AOPEP: variants seen among roughly 807,000 people sequenced by gnomAD.
AOPEP encodes aminopeptidase O.
In AOPEP, 77 loss-of-function variants were observed where a neutral mutation model predicts 98.1. That is an observed-to-expected ratio of 0.78 (90% CI 0.65 to 0.95). The LOEUF is 0.95. AOPEP is among the 40% of genes least tolerant of loss of function. The probability of loss-of-function intolerance (pLI) is 0.00; values close to 1 mark genes in which losing one functional copy is unlikely to be tolerated. For missense variants in AOPEP, 1,024 were observed against 1,024.7 expected (o/e 1.00, Z 0.01); for synonymous variants, 346 against 365.3 (o/e 0.95, Z 0.60).
At chr9:94,842,640 C>G (rs2042410909) in intron 5 of AOPEP, among the ~76,000 whole-genome samples, 1 of 152,034 alleles carries the variant, frequency 6.6e-6, no homozygotes, top group Non-Finnish European at 1.5e-5. Context: ...GTTCTTTCTT[C>G]ATTTCTGATG....
chr9:94,800,915 CAGCACATTCTGTTCTGGG>C lies in AOPEP; in HGVS notation c.1284_1301del (p.Ser429_His434del). The C allele has an allele frequency of 6.2e-7, 1 of 1,614,188 alleles. No homozygotes were observed. Among genetic ancestry groups the C allele is most frequent in the Non-Finnish European group, 8.5e-7 (1 of 1,180,038 alleles). ...CGGCTGATCCCTCCTTGCCTCTCAGCAGCACATTCTGTTCTGGGAGCACACCCGTTCTCTCGGCTGGAT... is the reference window on the plus strand; with the variant it reads ...CGGCTGATCCCTCCTTGCCTCTCAGCAGCACACCCGTTCTCTCGGCTGGAT... On this transcript the variant is annotated inframe_deletion, in exon 5 of 17. Coordinates refer to ENST00000375315, the MANE Select transcript of AOPEP (RefSeq NM_001193329.3).
At chr9:95,055,733 C>T (rs2066760237) in intron 13 of AOPEP, among the ~76,000 whole-genome samples, 1 of 152,174 alleles carries the variant, frequency 6.6e-6, no homozygotes. Context: ...TCAGTGGGAT[C>T]ACCTTTTTAA....
At chr9:94,818,128 C>T (rs555194381) in intron 5 of AOPEP, among the ~76,000 whole-genome samples, 5 of 152,288 alleles carry the variant, frequency 3.3e-5, no homozygotes, top group African/African-American at 9.6e-5. Flanking sequence ...CCAGCTCTGC[C>T]GTTGACTGCT....
chr9:94,889,917 T>C (rs2048679298), intron 5 of AOPEP, among the ~76,000 whole-genome samples: 1 of 152,244 alleles, frequency 6.6e-6, no homozygotes, highest in African/African-American at 2.4e-5. Flanking sequence ...TTCACATTTC[T>C]ATAATGGCTA....
chr9:94,729,004 G>A (rs1002506713), intron 1 of AOPEP, among the ~76,000 whole-genome samples: 8 of 152,176 alleles, frequency 5.3e-5, no homozygotes, highest in Non-Finnish European at 1.0e-4. Context: ...GGGTTTGATG[G>A]GGAGACTAGA....
the AOPEP span, chr9:95,135,686 A>C: frequency 1.7e-6 from 1 of 605,650 alleles, no homozygotes; most frequent in Non-Finnish European, 2.9e-6. Context: ...AATAATGTGA[A>C]TATGCTTCCA....
chr9:94,987,978 A>G (rs1325466686), intron 11 of AOPEP, among the ~76,000 whole-genome samples: 1 of 152,136 alleles, frequency 6.6e-6, no homozygotes, highest in Non-Finnish European at 1.5e-5. Flanking sequence ...TTGCCTGGAA[A>G]GACAGCTCCC....
intron 9 of AOPEP, among the ~76,000 whole-genome samples, chr9:94,957,008 G>C (rs1018172262): frequency 6.6e-6 from 1 of 152,076 alleles, no homozygotes; most frequent in Non-Finnish European, 1.5e-5. Flanking sequence ...TTCGAAAACT[G>C]GTTCAGAAGT....
chr9:94,771,275 A>G (rs1175283932), intron 2 of AOPEP, among the ~76,000 whole-genome samples: 1 of 152,138 alleles, frequency 6.6e-6, no homozygotes. Flanking sequence ...TGCTTATTGA[A>G]CAGAACAGAC....
At chr9:95,093,894 A>G in the AOPEP span, among the ~76,000 whole-genome samples, 176 of 152,300 alleles carry the variant, frequency 1.2e-3, no homozygotes, top group Non-Finnish European at 2.1e-3. Flanking sequence ...TGGGCACATT[A>G]TTCGGCCTCT....
the AOPEP span, among the ~76,000 whole-genome samples, chr9:95,128,951 C>A: frequency 2.0e-5 from 3 of 151,610 alleles, no homozygotes; most frequent in Admixed American, 6.6e-5. Context: ...TGTTGCCAGG[C>A]TGGAGTGCAG....
chr9:95,089,640 C>T (rs1022224781), downstream of AOPEP, among the ~76,000 whole-genome samples: 7 of 152,312 alleles, frequency 4.6e-5, no homozygotes, highest in Admixed American at 1.3e-4. Flanking sequence ...CTTGAGAGGC[C>T]CCCCTGGGCC....
downstream of AOPEP, among the ~76,000 whole-genome samples, chr9:95,092,056 C>CTG (rs112458654): frequency 0.013 from 1,954 of 149,302 alleles, 25 homozygotes; most frequent in African/African-American, 0.031. Flanking sequence ...CTGTTGAAGG[C>CTG]TGTGTGTGTG....
At chr9:94,771,667 C>T (rs901204308) in intron 2 of AOPEP, among the ~76,000 whole-genome samples, 3 of 152,038 alleles carry the variant, frequency 2.0e-5, no homozygotes. Flanking sequence ...ACTTCTGTAA[C>T]GTATTTCTCC....
chr9:95,109,019 T>G, the AOPEP span, among the ~76,000 whole-genome samples: 3 of 152,130 alleles, frequency 2.0e-5, no homozygotes, highest in South Asian at 6.2e-4. Flanking sequence ...GATCCTTCCA[T>G]CTATCTCAGC....
intron 11 of AOPEP, among the ~76,000 whole-genome samples, chr9:94,988,795 A>T (rs1156968535): frequency 1.3e-5 from 2 of 152,222 alleles, no homozygotes; most frequent in African/African-American, 4.8e-5. Flanking sequence ...TCCCGGAGCC[A>T]GCCCAAACCT....
intron 5 of AOPEP, among the ~76,000 whole-genome samples, chr9:94,807,149 G>A (rs1849420658): frequency 6.6e-6 from 1 of 152,204 alleles, no homozygotes; most frequent in South Asian, 2.1e-4. Flanking sequence ...TGGATCACAT[G>A]AGTTCTTGGG....
rs55793565 is a variant in AOPEP at position 94,912,471 on chromosome 9, A to C, written c.1365-11515A>C. On this transcript the variant is annotated intron_variant, in intron 5 of 16. Transcript: ENST00000375315. ...CACTTCAGTGTGAGTTGAGTGCGTT[A>C]TCTCTTCCTAAAGTATTTGCGTTCT... Among the ~76,000 whole-genome samples the C allele has an allele frequency of 4.8e-3, 724 of 152,256 alleles. 10 individuals are homozygous for C. Among genetic ancestry groups the C allele is most frequent in the South Asian group, 0.043 (205 of 4,822 alleles).
chr9:95,125,107 A>G, the AOPEP span: 2 of 1,614,102 alleles, frequency 1.2e-6, no homozygotes, highest in South Asian at 1.1e-5. Flanking sequence ...CTTTCTCCAG[A>G]GCTTCTACAA....
Sources: gnomAD v4.1 joint callset for allele counts (sites outside exome capture counted in the v4.1 genomes callset) on GRCh38, gnomAD v4.1.1 for gene constraint, MANE v1.5 for transcripts, NCBI Gene and HGNC (gene_info 2026-07-23, HGNC 2026-07-21) for gene names.